DLGAP2: variants seen among roughly 807,000 people sequenced by gnomAD.
DLGAP2 encodes the protein disks large-associated protein 2.
In DLGAP2, 26 loss-of-function variants were observed where a neutral mutation model predicts 100.3. The observed-to-expected ratio is 0.26, with a 90% CI of 0.19 to 0.36. The LOEUF (loss-of-function observed/expected upper bound fraction) is 0.36, where lower values mean the gene tolerates loss of function less well. DLGAP2 is among the 10% of genes least tolerant of loss of function. The pLI is 1.00. For missense variants in DLGAP2, 1,858 were observed against 1,453.2 expected (o/e 1.28, Z -4.53); for synonymous variants, 886 against 630.1 (o/e 1.41, Z -6.08).
At chr8:1,331,779 C>T in intron 3 of DLGAP2, among the ~76,000 whole-genome samples, 1 of 152,200 alleles carries the variant, frequency 6.6e-6, no homozygotes, top group Non-Finnish European at 1.5e-5. Flanking sequence ...TCTCATATCT[C>T]TGAGATACGT....
intron 3 of DLGAP2, among the ~76,000 whole-genome samples, chr8:1,338,107 A>G (rs1801331203): frequency 6.6e-6 from 1 of 152,250 alleles, no homozygotes; most frequent in African/African-American, 2.4e-5. Flanking sequence ...TGGTGCAGCC[A>G]TGTGGTTTAG....
intron 2 of DLGAP2, among the ~76,000 whole-genome samples, chr8:1,180,649 C>A (rs191182191): frequency 3.5e-4 from 53 of 149,746 alleles, no homozygotes; most frequent in Non-Finnish European, 7.1e-4. Flanking sequence ...TGTGCAAGGG[C>A]AGTATGCTTA....
intron 8 of DLGAP2, among the ~76,000 whole-genome samples, chr8:1,666,789 C>T (rs1798554636): frequency 1.3e-5 from 2 of 152,048 alleles, no homozygotes; most frequent in African/African-American, 2.4e-5. Flanking sequence ...CTTGTTAACT[C>T]GGGATGACAT....
In DLGAP2 at chr8:1,549,327, G is replaced by A. The variant is rs748312549; in HGVS notation, c.874G>A (p.Gly292Ser). 278 of 1,613,020 alleles carry A rather than the reference G, an allele frequency of 1.7e-4. 7 individuals carry two copies. The South Asian group carries it at 2.9e-3, about 17-fold the overall frequency. The part of the protein sequence containing the change: ...ERKPEGKPRP[G>S]MSSWWSSDDN... ...CAAGCCGGAGGGCAAGCCCCGGCCCGGCATGAGCAGCTGGTGGAGCTCGGA... is the reference window on the plus strand; with the variant it reads ...CAAGCCGGAGGGCAAGCCCCGGCCCAGCATGAGCAGCTGGTGGAGCTCGGA... Residue 292 changes from glycine (G) to serine (S), a missense_variant, in exon 5 of 15, where the codon GGC becomes AGC. Coordinates refer to ENST00000637795, the MANE Select transcript of DLGAP2 (RefSeq NM_001346810.2).
intron 1 of DLGAP2, among the ~76,000 whole-genome samples, chr8:771,016 T>C (rs1821342279): frequency 6.6e-6 from 1 of 152,128 alleles, no homozygotes; most frequent in Non-Finnish European, 1.5e-5. Context: ...ATTTTGGAAG[T>C]GTGAGTGTCC....
chr8:866,812 A>G (rs995981191), intron 1 of DLGAP2, among the ~76,000 whole-genome samples: 8 of 152,186 alleles, frequency 5.3e-5, no homozygotes, highest in African/African-American at 1.9e-4. Context: ...TTTGCCATTC[A>G]TTCCAGGTCC....
At chr8:1,429,346 C>G (rs1236584646) in intron 3 of DLGAP2, among the ~76,000 whole-genome samples, 1 of 152,106 alleles carries the variant, frequency 6.6e-6, no homozygotes, top group African/African-American at 2.4e-5. Context: ...GCCATCCCAG[C>G]CCATTGGCCT....
At chr8:1,431,473 T>C (rs1437474509) in intron 3 of DLGAP2, among the ~76,000 whole-genome samples, 2 of 152,162 alleles carry the variant, frequency 1.3e-5, no homozygotes, top group Non-Finnish European at 1.5e-5. Flanking sequence ...CAAAGGACAA[T>C]GCATAGAAAC....
chr8:847,522 T>C (rs909174103), intron 1 of DLGAP2, among the ~76,000 whole-genome samples: 1 of 152,196 alleles, frequency 6.6e-6, no homozygotes, highest in Non-Finnish European at 1.5e-5. Flanking sequence ...TTTTTTTCTT[T>C]TTGAGACAAG....
At chr8:900,150 G>A (rs1274935768) in intron 1 of DLGAP2, among the ~76,000 whole-genome samples, 1 of 139,918 alleles carries the variant, frequency 7.1e-6, no homozygotes, top group Non-Finnish European at 1.6e-5. Context: ...GTGGTGCCCT[G>A]CTCTTCACGG....
intron 4 of DLGAP2, among the ~76,000 whole-genome samples, chr8:1,521,436 C>G (rs901573060): frequency 3.0e-5 from 2 of 65,868 alleles, no homozygotes; most frequent in African/African-American, 1.0e-4. Context: ...ATTTGGAATA[C>G]TCGGGCGGCA....
At chr8:1,013,336 C>T (rs1801352080) in intron 2 of DLGAP2, among the ~76,000 whole-genome samples, 1 of 152,164 alleles carries the variant, frequency 6.6e-6, no homozygotes, top group African/African-American at 2.4e-5. Context: ...AAGGAAAAGC[C>T]ACAGGCACAG....
rs150034062 is a variant in DLGAP2, at chr8:1,001,128, T to A, written c.73+93162T>A. On this transcript the variant is annotated intron_variant, in intron 2 of 14. Coordinates refer to ENST00000637795, the MANE Select transcript of DLGAP2 (RefSeq NM_001346810.2). ...CTCTCTTCTTTTGATATAAAACATT[T>A]ATTCATGAGTGTGTGCCCCTTTTTC... 8.9e-4 allele frequency among the ~76,000 whole-genome samples: 136 copies of A among 152,344 alleles called. 1 individual carries two copies. The highest frequency in any genetic ancestry group is 3.0e-3 in the African/African-American group (126 of 41,574).
intron 2 of DLGAP2, among the ~76,000 whole-genome samples, chr8:1,063,168 T>G (rs956218676): frequency 6.6e-6 from 1 of 152,244 alleles, no homozygotes; most frequent in Admixed American, 6.5e-5. Context: ...GATGTTTGAC[T>G]GATACGCCGC....
chr8:1,192,958 TG>T (rs1797671983), intron 2 of DLGAP2, among the ~76,000 whole-genome samples: 1 of 152,072 alleles, frequency 6.6e-6, no homozygotes, highest in Non-Finnish European at 1.5e-5. Flanking sequence ...TTGCTGAGAA[TG>T]ATGGTTTCCA....
intron 3 of DLGAP2, among the ~76,000 whole-genome samples, chr8:1,489,938 C>A (rs1185231123): frequency 1.3e-5 from 2 of 152,120 alleles, no homozygotes; most frequent in African/African-American, 4.8e-5. Context: ...GTCTCCCAGG[C>A]TGGAGTGCAG....
At chr8:1,279,970 C>T (rs1421168429) in intron 3 of DLGAP2, among the ~76,000 whole-genome samples, 1 of 152,166 alleles carries the variant, frequency 6.6e-6, no homozygotes, top group African/African-American at 2.4e-5. Context: ...TATGTTGTGT[C>T]TACTGTACCA....
chr8:1,202,406 G>A lies in DLGAP2; in HGVS notation c.74-56445G>A, dbSNP rs142739442. ...GTGGACGTCCATGCTGTTGTGGGGC[G>A]TGTGTGAGCCCTCAGGACTGTGAGG... On this transcript the variant is annotated intron_variant, in intron 2 of 14. Transcript: ENST00000637795. 9.8e-4 allele frequency among the ~76,000 whole-genome samples: 149 copies of A among 152,226 alleles called. 1 individual carries two copies. In the East Asian group the frequency reaches 0.018, roughly 18 times the overall value.
intron 2 of DLGAP2, among the ~76,000 whole-genome samples, chr8:1,083,410 G>C (rs544428198): frequency 5.9e-5 from 9 of 152,262 alleles, no homozygotes; most frequent in South Asian, 2.1e-4. Context: ...TTGATTTTAG[G>C]AAGTAACCAG....
Sources: allele counts gnomAD v4.1 joint callset (sites outside exome capture counted in the v4.1 genomes callset), GRCh38; gene constraint gnomAD v4.1.1; transcripts MANE v1.5; gene names NCBI Gene and HGNC (gene_info 2026-07-23, HGNC 2026-07-21).